Variants in OR5M1 observed in about 807,000 individuals in gnomAD.
OR5M1 encodes olfactory receptor 5M1.
For missense variants in OR5M1, 367 were observed against 379.5 expected (o/e 0.97, Z 0.27); for synonymous variants, 165 against 144.2 (o/e 1.14, Z -1.04).
At position 56,611,429 on chromosome 11, in the gene OR5M1, T is replaced by G. The variant is rs925720204; in HGVS notation, c.*1126A>C. On this transcript the variant is annotated 3_prime_UTR_variant, in exon 2 of 2. Transcript: ENST00000641076. ...CCATTTGAACACTTTATAGTAGATA[T>G]AGTAGTTGATATCATACAGACATTT... is the stretch of plus-strand genomic sequence containing the variant. 2 of 152,124 alleles carry G rather than the reference T, an allele frequency of 1.3e-5. No individual in the cohort carries two copies. The highest frequency in any genetic ancestry group is 1.3e-4 in the Admixed American group (2 of 15,258). 9.4% of individuals were successfully genotyped at this position (152,124 alleles called of 1,614,324 possible).
rs1314768585 is a variant in OR5M1, at chr11:56,613,330, G to A, written c.173C>T (p.Pro58Leu). 6.2e-7 allele frequency: 1 copy of A among 1,613,648 alleles called. No homozygotes were observed. Among genetic ancestry groups the A allele is most frequent in the East Asian group, 2.2e-5 (1 of 44,868 alleles). The part of the protein sequence containing the change: ...LIRTNSHLQT[P>L]MYFFLGHLSF... ...GAGGTGGCCAAGGAAGAAATACATG[G>A]GTGTTTGCAGGTGGGAATTGGTCCT... The change falls in exon 2 of 2, where the codon CCC becomes CTC. Residue 58 changes from proline (P) to leucine (L), a missense_variant. Coordinates refer to ENST00000641076, the MANE Select transcript of OR5M1 (RefSeq NM_001004740.2).
Position 56,610,761 on chromosome 11 carries a change from T to G in OR5M1, c.*1794A>C, listed in dbSNP as rs191026121. ...CTGAGGTGACTTTTACCCAAAGACATGCAGAAGGAAAAAATTAAATCACAA... is the reference window on the plus strand; with the variant it reads ...CTGAGGTGACTTTTACCCAAAGACAGGCAGAAGGAAAAAATTAAATCACAA... On this transcript the variant is annotated 3_prime_UTR_variant, in exon 2 of 2. Transcript: ENST00000641076. The G allele has an allele frequency of 3.9e-5, 6 of 152,146 alleles. No homozygotes were observed. Among genetic ancestry groups the G allele is most frequent in the Admixed American group, 3.9e-4 (6 of 15,240 alleles). The allele number at this position is 152,146 out of a possible 1,614,324, so 9.4% of individuals were successfully genotyped here.
In OR5M1 at chr11:56,609,371, G is replaced by A. The variant is rs1590536446; in HGVS notation, c.*3184C>T. ...TGAAGAGAAATTATCAACCTTATGT[G>A]TAGCCTTCATTTGTTCAATATATGC... On this transcript the variant is annotated 3_prime_UTR_variant, in exon 2 of 2. Coordinates refer to ENST00000641076, the MANE Select transcript of OR5M1 (RefSeq NM_001004740.2). 6.6e-6 allele frequency: 1 copy of A among 152,010 alleles called. No homozygotes were observed. Among genetic ancestry groups the A allele is most frequent in the South Asian group, 2.1e-4 (1 of 4,820 alleles). 9.4% of individuals were successfully genotyped at this position (152,010 alleles called of 1,614,324 possible).
Position 56,611,045 on chromosome 11 carries a change from C to T in OR5M1, c.*1510G>A, listed in dbSNP as rs1223365673. The T allele has an allele frequency of 6.6e-6, 1 of 151,950 alleles. No individual in the cohort carries two copies. The highest frequency in any genetic ancestry group is 1.5e-5 in the Non-Finnish European group (1 of 67,962). The allele number at this position is 151,950 out of a possible 1,614,324, so 9.4% of individuals were successfully genotyped here. On this transcript the variant is annotated 3_prime_UTR_variant, in exon 2 of 2. Transcript: ENST00000641076. ...CCAGAAATGGAATACAATGCTTTGC[C>T]TAATAGATGGAAATTTCTCATAAAA...
rs1853659557 is a variant in OR5M1 at position 56,610,252 on chromosome 11, T to G, written c.*2303A>C. ...ATATATGTCTTCTGTATATCAAAAT[T>G]TTCTCCCTTCACATGGACGTTAAGA... On this transcript the variant is annotated 3_prime_UTR_variant, in exon 2 of 2. Transcript: ENST00000641076. 6.6e-6 allele frequency: 1 copy of G among 152,016 alleles called. No individual in the cohort carries two copies. The highest frequency in any genetic ancestry group is 6.6e-5 in the Admixed American group (1 of 15,224). The allele number at this position is 152,016 out of a possible 1,614,324, so 9.4% of individuals were successfully genotyped here. A position where few individuals can be genotyped will look rare whatever the true frequency, so the allele number is the denominator to read the frequency against.
At chr11:56,613,677 T>C (rs1853711681) in intron 1 of OR5M1, among the ~76,000 whole-genome samples, 158 bp from the exon 2 acceptor site, 1 of 152,212 alleles carries the variant, frequency 6.6e-6, no homozygotes, top group South Asian at 2.1e-4. Flanking sequence ...TGTCTCCCTA[T>C]ATGTCTGTTT....
chr11:56,613,560 G>A lies in OR5M1; in HGVS notation c.-17-41C>T, dbSNP rs1456162661. 3.3e-6 allele frequency: 5 copies of A among 1,500,982 alleles called. No homozygotes were observed. In the Admixed American group the frequency reaches 8.9e-5, roughly 27 times the overall value. The allele number at this position is 1,500,982 out of a possible 1,614,324, so 93.0% of individuals were successfully genotyped here. On this transcript the variant is annotated intron_variant, in intron 1 of 1. Transcript: ENST00000641076. ...AATGTGAGGATTTCTCTCTGATTCA[G>A]ATTTGGCATTTGTTTCATCCATTTA...
chr11:56,612,810 A>G lies in OR5M1; in HGVS notation c.693T>C (p.Ala231=). The G allele has an allele frequency of 1.9e-6, 3 of 1,613,858 alleles. No individual in the cohort carries two copies. The highest frequency in any genetic ancestry group is 2.5e-6 in the Non-Finnish European group (3 of 1,179,806). ...TAGAAAAGGCTTTGTGCCTGCCTTC[A>G]GCAGAACGGATCCTGAAGATCGCTG... is the stretch of plus-strand genomic sequence containing the variant. The part of the protein sequence containing the change: ...IFAAIFRIRS[A]EGRHKAFSTC... The change falls in exon 2 of 2, where the codon GCT becomes GCC. Residue 231 remains alanine (A), a synonymous_variant. Coordinates refer to ENST00000641076, the MANE Select transcript of OR5M1 (RefSeq NM_001004740.2).
rs971780489 is a variant in OR5M1, at chr11:56,610,271, G to A, written c.*2284C>T. The A allele has an allele frequency of 3.3e-5, 5 of 151,978 alleles. No individual in the cohort carries two copies. The highest frequency in any genetic ancestry group is 1.9e-4 in the East Asian group (1 of 5,196). 9.4% of individuals were successfully genotyped at this position (151,978 alleles called of 1,614,324 possible). The stretch of plus-strand genomic sequence containing the variant: ...CAAAATTTTCTCCCTTCACATGGAC[G>A]TTAAGACAATTTTAATTATAATGCC... On this transcript the variant is annotated 3_prime_UTR_variant, in exon 2 of 2. Transcript: ENST00000641076.
At position 56,613,446 on chromosome 11, in the gene OR5M1, G is replaced by A. The variant is rs747296168; in HGVS notation, c.57C>T (p.Asp19=). 93 of 1,613,514 alleles carry A rather than the reference G, an allele frequency of 5.8e-5. No individual in the cohort carries two copies. Among genetic ancestry groups the A allele is most frequent in the African/African-American group, 5.1e-4 (38 of 74,898 alleles). ...VTEFILLGLT[D]DPVLEKILFG... The stretch of plus-strand genomic sequence containing the variant: ...ACAGGATCTTCTCTAGCACTGGGTC[G>A]TCTGTCAGTCCCAAGAGAATGAATT... Residue 19 remains aspartate, a synonymous_variant, in exon 2 of 2, where the codon GAC becomes GAT. Transcript: ENST00000641076.
At position 56,613,182 on chromosome 11, in the gene OR5M1, C is replaced by T. The variant is rs369742856; in HGVS notation, c.321G>A (p.Leu107=). Residue 107 remains leucine, a synonymous_variant, in exon 2 of 2, where the codon CTG becomes CTA. Coordinates refer to ENST00000641076, the MANE Select transcript of OR5M1 (RefSeq NM_001004740.2). ...CFTQCLLFIA[L]VITEFYILAS... ...CAAGGATGTAAAACTCAGTGATCAC[C>T]AGGGCGATGAAGAGAAGACACTGTG... is the stretch of plus-strand genomic sequence containing the variant. 61 of 1,613,624 alleles carry T rather than the reference C, an allele frequency of 3.8e-5. No homozygotes were observed. Among genetic ancestry groups the T allele is most frequent in the Admixed American group, 6.7e-5 (4 of 59,948 alleles).
intron 1 of OR5M1, among the ~76,000 whole-genome samples, chr11:56,614,430 TCTA>T (rs1215408466): frequency 1.3e-5 from 2 of 152,300 alleles, no homozygotes; most frequent in Non-Finnish European, 2.9e-5. Context: ...GATATGCAAT[TCTA>T]CTATTTGGGG....
chr11:56,609,895 G>A lies in OR5M1; in HGVS notation c.*2660C>T, dbSNP rs531225853. The A allele has an allele frequency of 8.3e-4, 126 of 152,014 alleles. No individual in the cohort carries two copies. The highest frequency in any genetic ancestry group is 2.9e-3 in the African/African-American group (119 of 41,528). 9.4% of individuals were successfully genotyped at this position (152,014 alleles called of 1,614,324 possible). ...TATTATTATTGTATTAAGGTCATAT[G>A]ATCTAACTATTATATGACATTCAAC... On this transcript the variant is annotated 3_prime_UTR_variant, in exon 2 of 2. Coordinates refer to ENST00000641076, the MANE Select transcript of OR5M1 (RefSeq NM_001004740.2).
In OR5M1 at chr11:56,613,537, T is replaced by C. The variant is rs780352813; in HGVS notation, c.-17-18A>G. 6 of 1,573,074 alleles carry C rather than the reference T, an allele frequency of 3.8e-6. No individual in the cohort carries two copies. Among genetic ancestry groups the C allele is most frequent in the Non-Finnish European group, 3.5e-6 (4 of 1,147,606 alleles). ...TCTTGAAACTGAAAGTGACAAAGAATGTGAGGATTTCTCTCTGATTCAGAT... is the reference window on the plus strand; with the variant it reads ...TCTTGAAACTGAAAGTGACAAAGAACGTGAGGATTTCTCTCTGATTCAGAT... On this transcript the variant is annotated intron_variant, in intron 1 of 1. Transcript: ENST00000641076.
At chr11:56,614,395 C>A (rs1853719210) in intron 1 of OR5M1, among the ~76,000 whole-genome samples, 1 of 152,156 alleles carries the variant, frequency 6.6e-6, no homozygotes, top group Non-Finnish European at 1.5e-5. Flanking sequence ...GAAGATCTTT[C>A]TAGGAATGCA....
chr11:56,612,615 A>G lies in OR5M1; in HGVS notation c.888T>C (p.Asp296=). The part of the protein sequence containing the change: ...NPLIYSLRNT[D]VILAMQQMIR... ...TCATTTGTTGCATGGCAAGGATTACATCTGTGTTCCGTAGGCTATAGATCA... is the reference window on the plus strand; with the variant it reads ...TCATTTGTTGCATGGCAAGGATTACGTCTGTGTTCCGTAGGCTATAGATCA... The change falls in exon 2 of 2, where the codon GAT becomes GAC. Residue 296 remains aspartate (D), a synonymous_variant. Transcript: ENST00000641076. 1 of 1,611,694 alleles carries G rather than the reference A, an allele frequency of 6.2e-7. No homozygotes were observed. Among genetic ancestry groups the G allele is most frequent in the East Asian group, 2.2e-5 (1 of 44,866 alleles).
rs1186619073 is a variant in OR5M1 at position 56,612,311 on chromosome 11, G to A, written c.*244C>T. ...TAAGTAAACATAGTATTTTCATATA[G>A]AATTATTAGATACTAAAAAATTTAT... On this transcript the variant is annotated 3_prime_UTR_variant, in exon 2 of 2. Coordinates refer to ENST00000641076, the MANE Select transcript of OR5M1 (RefSeq NM_001004740.2). 2.2e-5 allele frequency: 6 copies of A among 276,568 alleles called. No homozygotes were observed. Among genetic ancestry groups the A allele is most frequent in the Non-Finnish European group, 4.0e-5 (6 of 149,238 alleles). The allele number at this position is 276,568 out of a possible 1,614,324, so 17.1% of individuals were successfully genotyped here.
In OR5M1 at chr11:56,613,311, G is replaced by A. The variant is rs374012570; in HGVS notation, c.192C>T (p.Gly64=). The A allele has an allele frequency of 8.1e-5, 131 of 1,613,572 alleles. No homozygotes were observed. Among genetic ancestry groups the A allele is most frequent in the African/African-American group, 6.7e-5 (5 of 74,908 alleles). Residue 64 remains glycine, a synonymous_variant, in exon 2 of 2, where the codon GGC becomes GGT. Coordinates refer to ENST00000641076, the MANE Select transcript of OR5M1 (RefSeq NM_001004740.2). ...HLQTPMYFFL[G]HLSFVDICYS... ...AGCAAATGTCTACAAAGGAGAGGTG[G>A]CCAAGGAAGAAATACATGGGTGTTT...
rs770533145 is a variant in OR5M1, at chr11:56,613,462, A to G, written c.41T>C (p.Leu14Pro). The change falls in exon 2 of 2, where the codon CTC becomes CCC. Residue 14 changes from leucine to proline, a missense_variant. Coordinates refer to ENST00000641076, the MANE Select transcript of OR5M1 (RefSeq NM_001004740.2). ...PNHTIVTEFI[L>P]LGLTDDPVLE... ...CACTGGGTCGTCTGTCAGTCCCAAG[A>G]GAATGAATTCTGTCACTATGGTGTG... 2.5e-6 allele frequency: 4 copies of G among 1,613,530 alleles called. No individual in the cohort carries two copies. Among genetic ancestry groups the G allele is most frequent in the East Asian group, 2.2e-5 (1 of 44,884 alleles).
Sources: allele counts gnomAD v4.1 joint callset (sites outside exome capture counted in the v4.1 genomes callset), GRCh38; gene constraint gnomAD v4.1.1; transcripts MANE v1.5; gene names NCBI Gene and HGNC (gene_info 2026-07-23, HGNC 2026-07-21).